The following CTNNA2 variants were observed in gnomAD, a reference collection of about 807,000 sequenced individuals.
CTNNA2 encodes the protein catenin alpha 2.
A neutral mutation model predicts 101.0 loss-of-function variants in CTNNA2; 42 were observed. The ratio of observed to expected loss-of-function variants is 0.42; its 90% CI spans 0.32 to 0.54. The LOEUF (loss-of-function observed/expected upper bound fraction) is 0.54, where lower values mean the gene tolerates loss of function less well. CTNNA2 is among the 20% of genes least tolerant of loss of function. The pLI is 0.14. For synonymous variants in CTNNA2, 450 were observed against 456.4 expected (o/e 0.99, Z 0.18); for missense variants, 871 against 1,223.1 (o/e 0.71, Z 4.29).
chr2:80,387,337 T>A (rs966906916), intron 7 of CTNNA2, among the ~76,000 whole-genome samples: 13 of 152,192 alleles, frequency 8.5e-5, no homozygotes, highest in African/African-American at 2.9e-4. Context: ...TTAATAATTT[T>A]TATTGCTTTT....
chr2:80,321,217 G>A (rs180893465), intron 7 of CTNNA2, among the ~76,000 whole-genome samples: 6 of 152,086 alleles, frequency 3.9e-5, no homozygotes, highest in Admixed American at 6.6e-5. Context: ...AATATTTAGT[G>A]TATAGATTAT....
intron 4 of CTNNA2, among the ~76,000 whole-genome samples, chr2:79,503,162 C>T (rs1573196671): frequency 6.6e-6 from 1 of 152,086 alleles, no homozygotes; most frequent in African/African-American, 2.4e-5. Context: ...AGTGCCTCTT[C>T]TAGCACCAAC....
intron 7 of CTNNA2, among the ~76,000 whole-genome samples, chr2:80,119,855 A>G (rs1701733323): frequency 6.6e-6 from 1 of 152,200 alleles, no homozygotes. Flanking sequence ...AAGACAATGA[A>G]TTTAAAGTGC....
At chr2:79,494,673 A>T (rs1338900075) in intron 4 of CTNNA2, among the ~76,000 whole-genome samples, 1 of 152,194 alleles carries the variant, frequency 6.6e-6, no homozygotes, top group Admixed American at 6.5e-5. Context: ...TTATAGATAT[A>T]TATGGAATAG....
chr2:79,871,328 GT>G, intron 5 of CTNNA2, among the ~76,000 whole-genome samples: 1 of 152,258 alleles, frequency 6.6e-6, no homozygotes, highest in Non-Finnish European at 1.5e-5. Context: ...TTTTAAGTAT[GT>G]TTTTATCAGC....
At chr2:79,350,172 C>A (rs559677366) in intron 3 of CTNNA2, among the ~76,000 whole-genome samples, 1 of 150,034 alleles carries the variant, frequency 6.7e-6, no homozygotes, top group East Asian at 2.0e-4. Context: ...ACATGTGGAG[C>A]TTTGTTAAAT....
chr2:80,494,169 A>G (rs1687265683), intron 9 of CTNNA2, among the ~76,000 whole-genome samples: 1 of 152,234 alleles, frequency 6.6e-6, no homozygotes, highest in African/African-American at 2.4e-5. Context: ...TATTGAGAGA[A>G]AAATGTCTGG....
intron 9 of CTNNA2, among the ~76,000 whole-genome samples, chr2:80,427,233 C>T (rs1473661934): frequency 6.6e-6 from 1 of 152,148 alleles, no homozygotes; most frequent in African/African-American, 2.4e-5. Flanking sequence ...TAAAGGTCAC[C>T]TTGGAGATCA....
At chr2:79,999,436 A>G (rs539910134) in intron 7 of CTNNA2, among the ~76,000 whole-genome samples, 1 of 152,326 alleles carries the variant, frequency 6.6e-6, no homozygotes, top group South Asian at 2.1e-4. Context: ...CAAATTCAAC[A>G]TCTTGGAAAC....
At chr2:80,132,657 G>C (rs542929205) in intron 7 of CTNNA2, among the ~76,000 whole-genome samples, 14 of 152,254 alleles carry the variant, frequency 9.2e-5, no homozygotes, top group South Asian at 4.2e-4. Context: ...AGAGTCAAGA[G>C]CAGAACCCCT....
intron 14 of CTNNA2, 81 bp from the exon 15 acceptor site, chr2:80,589,223 C>T (rs1696230636): frequency 1.4e-6 from 2 of 1,415,888 alleles, no homozygotes; most frequent in Non-Finnish European, 2.0e-6. Context: ...TCTGGCTCTG[C>T]CATCCGCAGA....
chr2:79,256,651 T>C (rs1269914125), intron 2 of CTNNA2, among the ~76,000 whole-genome samples: 1 of 152,184 alleles, frequency 6.6e-6, no homozygotes, highest in Admixed American at 6.5e-5. Context: ...CATCCACTAC[T>C]TGCTCAAGCA....
At chr2:79,982,379 T>TAC (rs879387446) in intron 7 of CTNNA2, among the ~76,000 whole-genome samples, 1,628 of 143,828 alleles carry the variant, frequency 0.011, 47 homozygotes, top group African/African-American at 0.039. Context: ...ATATATAACA[T>TAC]ATATAACATA....
intron 9 of CTNNA2, among the ~76,000 whole-genome samples, chr2:80,539,323 TG>T (rs777604107): frequency 0.047 from 3,357 of 70,804 alleles, 132 homozygotes; most frequent in African/African-American, 0.12. Context: ...TTTTTTTTTT[TG>T]TTGTTGTTGT....
chr2:79,242,987 TATATATACAC>T (rs1182815541), intron 2 of CTNNA2, among the ~76,000 whole-genome samples: 3 of 54,400 alleles, frequency 5.5e-5, no homozygotes, highest in Admixed American at 2.7e-4. Flanking sequence ...TATATATATA[TATATATACAC>T]ACACACACAC....
rs1408351696 is a variant in CTNNA2, at chr2:80,035,830, G to A, written c.1056+126033G>A. Among the ~76,000 whole-genome samples, 4 of 152,162 alleles carry A rather than the reference G, an allele frequency of 2.6e-5. No homozygotes were observed. The East Asian group carries it at 7.7e-4, about 29-fold the overall frequency. ...CTAGGAAGACACCAAAACAACATCT[G>A]GCAATCAATTTTCCATCTTTCAGTG... On this transcript the variant is annotated intron_variant, in intron 7 of 18. Transcript: ENST00000402739.
chr2:79,399,068 T>C (rs1026404832), intron 4 of CTNNA2, among the ~76,000 whole-genome samples: 6 of 152,144 alleles, frequency 3.9e-5, no homozygotes, highest in African/African-American at 1.4e-4. Flanking sequence ...TCACTATTTA[T>C]GACAGCTCAC....
intron 7 of CTNNA2, among the ~76,000 whole-genome samples, chr2:80,024,494 T>C (rs1011803133): frequency 6.6e-6 from 1 of 152,210 alleles, no homozygotes; most frequent in African/African-American, 2.4e-5. Context: ...GATAGTTCCC[T>C]TGACCCATCT....
intron 2 of CTNNA2, among the ~76,000 whole-genome samples, chr2:79,740,160 C>T (rs1018634709): frequency 6.6e-6 from 1 of 152,114 alleles, no homozygotes; most frequent in African/African-American, 2.4e-5. Context: ...TTCTCTCCCT[C>T]CTCCCAACCT....
Sources: gnomAD v4.1 joint callset for allele counts (sites outside exome capture counted in the v4.1 genomes callset) on GRCh38, gnomAD v4.1.1 for gene constraint, MANE v1.5 for transcripts, NCBI Gene and HGNC (gene_info 2026-07-23, HGNC 2026-07-21) for gene names.